Variants in CSMD3 observed in about 807,000 individuals in gnomAD.
CSMD3 encodes CUB and sushi domain-containing protein 3.
CSMD3 carries 177 observed loss-of-function variants against 435.2 expected under a neutral mutation model. The ratio of observed to expected loss-of-function variants is 0.41; its 90% CI spans 0.36 to 0.46. CSMD3 has a LOEUF of 0.46. CSMD3 is among the 20% of genes least tolerant of loss of function. The probability of loss-of-function intolerance (pLI) is 0.34; values close to 1 mark genes in which losing one functional copy is unlikely to be tolerated. For missense variants in CSMD3, 4,265 were observed against 4,504.6 expected (o/e 0.95, Z 1.52); for synonymous variants, 1,656 against 1,520.5 (o/e 1.09, Z -2.07).
intron 10 of CSMD3, among the ~76,000 whole-genome samples, chr8:112,878,745 A>G (rs1016510770): frequency 1.3e-5 from 2 of 152,132 alleles, no homozygotes; most frequent in Non-Finnish European, 2.9e-5. Flanking sequence ...CAGAAAAAGA[A>G]TGAGTTCATG....
intron 32 of CSMD3, among the ~76,000 whole-genome samples, chr8:112,416,921 C>T (rs1370058303): frequency 6.6e-6 from 1 of 152,064 alleles, no homozygotes; most frequent in African/African-American, 2.4e-5. Flanking sequence ...GTGAATTCAG[C>T]TTTGGTTTAA....
At chr8:112,426,840 A>G (rs943290022) in intron 32 of CSMD3, among the ~76,000 whole-genome samples, 1 of 152,194 alleles carries the variant, frequency 6.6e-6, no homozygotes, top group Non-Finnish European at 1.5e-5. Flanking sequence ...GGAAACTCCA[A>G]TTATGTACAA....
intron 4 of CSMD3, among the ~76,000 whole-genome samples, chr8:113,112,473 G>GCA (rs2090686471): frequency 5.6e-5 from 1 of 17,976 alleles, no homozygotes; most frequent in Non-Finnish European, 9.3e-5. Context: ...ACACACACAC[G>GCA]TACACACACA....
chr8:113,173,964 GTTTA>G (rs746090228), intron 3 of CSMD3, 48 bp from the exon 4 acceptor site: 1 of 1,363,446 alleles, frequency 7.3e-7, no homozygotes, highest in South Asian at 1.2e-5. Flanking sequence ...TCAATAAGCA[GTTTA>G]TTGTTTTAGA....
In CSMD3 at chr8:113,167,534, G is replaced by A. The variant is rs115013726; in HGVS notation, c.709+6188C>T. On this transcript the variant is annotated intron_variant, in intron 4 of 70. Coordinates refer to ENST00000297405, the MANE Select transcript of CSMD3 (RefSeq NM_198123.2). ...TACTAAAACAGTCTAATCAGGACAT[G>A]TACGTTATTTTATAACACAAATGTA... Among the ~76,000 whole-genome samples, 898 of 152,228 alleles carry A rather than the reference G, an allele frequency of 5.9e-3. 4 individuals are homozygous for A. Among genetic ancestry groups the A allele is most frequent in the African/African-American group, 0.019 (798 of 41,544 alleles).
chr8:112,844,134 T>A (rs1180003251), intron 11 of CSMD3, among the ~76,000 whole-genome samples: 1 of 151,920 alleles, frequency 6.6e-6, no homozygotes, highest in African/African-American at 2.4e-5. Context: ...AGAAGATACA[T>A]AAAAATAGCT....
At chr8:112,615,293 T>A (rs1833579426) in intron 22 of CSMD3, among the ~76,000 whole-genome samples, 1 of 152,108 alleles carries the variant, frequency 6.6e-6, no homozygotes, top group Non-Finnish European at 1.5e-5. Context: ...CTTTGAACCA[T>A]GACAGTATAG....
intron 31 of CSMD3, among the ~76,000 whole-genome samples, chr8:112,481,949 A>G (rs1045567778): frequency 1.3e-5 from 2 of 152,152 alleles, no homozygotes; most frequent in Non-Finnish European, 2.9e-5. Context: ...TAAGCCTCCA[A>G]TAATGCTCCA....
intron 38 of CSMD3, among the ~76,000 whole-genome samples, chr8:112,362,171 T>G (rs1000859393): frequency 6.6e-6 from 1 of 151,962 alleles, no homozygotes; most frequent in Non-Finnish European, 1.5e-5. Flanking sequence ...GATATTTTTC[T>G]GGCTTAAGGT....
intron 1 of CSMD3, among the ~76,000 whole-genome samples, chr8:113,412,819 C>T (rs1018422180): frequency 2.0e-5 from 3 of 149,436 alleles, no homozygotes; most frequent in African/African-American, 7.3e-5. Context: ...TAAAAAAAAA[C>T]AAACCAAAGC....
intron 10 of CSMD3, among the ~76,000 whole-genome samples, chr8:112,910,683 T>G (rs1193634821): frequency 6.6e-6 from 1 of 151,864 alleles, no homozygotes; most frequent in Non-Finnish European, 1.5e-5. Flanking sequence ...TCTCACATCT[T>G]AAAAACAATC....
intron 12 of CSMD3, 113 bp from the exon 13 acceptor site, chr8:112,800,387 A>G: frequency 1.3e-6 from 1 of 756,566 alleles, no homozygotes; most frequent in South Asian, 1.4e-5. Flanking sequence ...AAAAAGTCAG[A>G]TAAACATAGA....
At chr8:112,245,734 C>T (rs1477791983) in intron 64 of CSMD3, among the ~76,000 whole-genome samples, 4 of 152,080 alleles carry the variant, frequency 2.6e-5, no homozygotes, top group Non-Finnish European at 4.4e-5. Context: ...AGATGGGTTT[C>T]GCCATGGTGA....
At chr8:113,422,223 C>T (rs529418051) in intron 1 of CSMD3, among the ~76,000 whole-genome samples, 9 of 152,208 alleles carry the variant, frequency 5.9e-5, no homozygotes, top group East Asian at 5.8e-4. Context: ...GAAAATTCTA[C>T]GCGTTTTTCC....
At chr8:113,270,342 T>C (rs1455139916) in intron 3 of CSMD3, among the ~76,000 whole-genome samples, 2 of 150,494 alleles carry the variant, frequency 1.3e-5, no homozygotes, top group Non-Finnish European at 1.5e-5. Flanking sequence ...CTGGAGATGA[T>C]GTGAAGAAAG....
intron 1 of CSMD3, among the ~76,000 whole-genome samples, chr8:113,360,275 C>T (rs927393103): frequency 1.3e-5 from 2 of 152,088 alleles, no homozygotes; most frequent in Non-Finnish European, 2.9e-5. Flanking sequence ...TACCCTACTT[C>T]AGCCCTCTAG....
intron 1 of CSMD3, among the ~76,000 whole-genome samples, chr8:113,334,506 C>T (rs1282963875): frequency 6.6e-6 from 1 of 151,822 alleles, no homozygotes; most frequent in Non-Finnish European, 1.5e-5. Flanking sequence ...GGGATTTATA[C>T]TCTCTAGAAG....
At chr8:112,343,415 G>A (rs1825367851) in intron 41 of CSMD3, among the ~76,000 whole-genome samples, 1 of 151,998 alleles carries the variant, frequency 6.6e-6, no homozygotes, top group Non-Finnish European at 1.5e-5. Context: ...TAGCCAAAAT[G>A]ATCCTAAATA....
rs560125716 is a variant in CSMD3 at position 112,993,979 on chromosome 8, T to C, written c.1031-17831A>G. On this transcript the variant is annotated intron_variant, in intron 6 of 70. Coordinates refer to ENST00000297405, the MANE Select transcript of CSMD3 (RefSeq NM_198123.2). The stretch of plus-strand genomic sequence containing the variant: ...GAAATCTATAGTGAAGTTTCAAGCT[T>C]GACAGCTTGTACTACAAAACATCAC... Among the ~76,000 whole-genome samples, 4 of 151,890 alleles carry C rather than the reference T, an allele frequency of 2.6e-5. No individual in the cohort carries two copies. The South Asian group carries it at 8.3e-4, about 31-fold the overall frequency.
Sources: allele counts gnomAD v4.1 joint callset (sites outside exome capture counted in the v4.1 genomes callset), GRCh38; gene constraint gnomAD v4.1.1; transcripts MANE v1.5; gene names NCBI Gene and HGNC (gene_info 2026-07-23, HGNC 2026-07-21).